Variants in OXCT1 observed in about 807,000 individuals in gnomAD.
The protein encoded by OXCT1 is succinyl-CoA:3-ketoacid coenzyme A transferase 1, mitochondrial.
In OXCT1, 27 loss-of-function variants were observed where a neutral mutation model predicts 69.6. The ratio of observed to expected loss-of-function variants is 0.39; its 90% CI spans 0.29 to 0.54. The LOEUF (loss-of-function observed/expected upper bound fraction) is 0.54, where lower values mean the gene tolerates loss of function less well. Ranked by LOEUF, OXCT1 falls within the 20% of genes least tolerant of loss-of-function variation. The pLI, the probability that OXCT1 is intolerant of heterozygous loss-of-function variation, is 0.72. For synonymous variants in OXCT1, 202 were observed against 217.8 expected (o/e 0.93, Z 0.64); for missense variants, 437 against 650.2 (o/e 0.67, Z 3.57).
intron 1 of OXCT1, among the ~76,000 whole-genome samples, chr5:41,867,329 T>C (rs1440384173): frequency 2.6e-5 from 4 of 152,128 alleles, no homozygotes; most frequent in Non-Finnish European, 4.4e-5. Flanking sequence ...ATATTGAAAA[T>C]AAAACCCAGA....
chr5:41,772,536 T>C (rs572608127), intron 13 of OXCT1, among the ~76,000 whole-genome samples: 5 of 152,182 alleles, frequency 3.3e-5, no homozygotes, highest in African/African-American at 1.2e-4. Context: ...ATAATAAATG[T>C]ACGTGCCCTA....
chr5:41,824,970 A>G (rs1747732222), intron 7 of OXCT1, among the ~76,000 whole-genome samples: 2 of 152,230 alleles, frequency 1.3e-5, no homozygotes, highest in Non-Finnish European at 2.9e-5. Context: ...TTTTCACAAT[A>G]CATGGCAAAA....
intron 14 of OXCT1, among the ~76,000 whole-genome samples, chr5:41,755,795 G>T (rs368462971): frequency 6.6e-6 from 1 of 152,002 alleles, no homozygotes; most frequent in South Asian, 2.1e-4. Flanking sequence ...AAGAAATAAA[G>T]AACAGCAGGA....
intron 4 of OXCT1, among the ~76,000 whole-genome samples, chr5:41,852,884 C>T (rs1749245041): frequency 6.6e-6 from 1 of 152,068 alleles, no homozygotes; most frequent in Admixed American, 6.6e-5. Context: ...ATGGTGAAAT[C>T]CCGTCTCTAC....
intron 13 of OXCT1, among the ~76,000 whole-genome samples, chr5:41,792,561 C>T (rs1163432963): frequency 6.6e-6 from 1 of 152,200 alleles, no homozygotes; most frequent in Non-Finnish European, 1.5e-5. Flanking sequence ...AACAGAAATA[C>T]ATTGTAATAT....
At chr5:41,836,815 G>C (rs1452292912) in intron 7 of OXCT1, among the ~76,000 whole-genome samples, 1 of 152,090 alleles carries the variant, frequency 6.6e-6, no homozygotes, top group East Asian at 1.9e-4. Context: ...ACAGACCATG[G>C]GCCAGTACAG....
intron 12 of OXCT1, 151 bp from the exon 13 acceptor site, chr5:41,794,229 G>A (rs1746069143): frequency 1.5e-6 from 1 of 680,150 alleles, no homozygotes; most frequent in South Asian, 1.7e-5. Context: ...GCTCCATGCT[G>A]ACAGAGAAAT....
intron 7 of OXCT1, among the ~76,000 whole-genome samples, chr5:41,811,895 G>A (rs1747002638): frequency 1.3e-5 from 2 of 152,160 alleles, no homozygotes; most frequent in African/African-American, 4.8e-5. Flanking sequence ...GAAGTGTGGT[G>A]AGGAATATTT....
At chr5:41,795,951 C>T (rs1746161242) in intron 11 of OXCT1, among the ~76,000 whole-genome samples, 2 of 152,080 alleles carry the variant, frequency 1.3e-5, no homozygotes, top group Admixed American at 6.6e-5. Flanking sequence ...TTTCATTTGG[C>T]CTGAACTCTC....
intron 13 of OXCT1, among the ~76,000 whole-genome samples, chr5:41,776,085 A>G (rs1036232155): frequency 1.3e-5 from 2 of 152,234 alleles, no homozygotes; most frequent in African/African-American, 2.4e-5. Flanking sequence ...TAGGTATCCT[A>G]TAACCCCTGA....
At chr5:41,768,622 C>T (rs1383652939) in intron 13 of OXCT1, among the ~76,000 whole-genome samples, 5 of 152,086 alleles carry the variant, frequency 3.3e-5, no homozygotes, top group Non-Finnish European at 7.4e-5. Flanking sequence ...TCCAATCAGT[C>T]GCTCAACTAC....
intron 4 of OXCT1, among the ~76,000 whole-genome samples, chr5:41,851,280 G>C (rs1198742008): frequency 2.0e-5 from 3 of 152,192 alleles, no homozygotes; most frequent in African/African-American, 7.2e-5. Context: ...AGTCATTCAA[G>C]TAGGTGGAAT....
At chr5:41,785,349 AT>A (rs1321166062) in intron 13 of OXCT1, among the ~76,000 whole-genome samples, 1 of 152,222 alleles carries the variant, frequency 6.6e-6, no homozygotes, top group African/African-American at 2.4e-5. Flanking sequence ...GCCTAGAGGT[AT>A]TAGAACCATA....
intron 13 of OXCT1, among the ~76,000 whole-genome samples, chr5:41,793,658 A>C (rs928784740): frequency 6.6e-6 from 1 of 152,248 alleles, no homozygotes; most frequent in Non-Finnish European, 1.5e-5. Flanking sequence ...CAAACTTGTT[A>C]ATTGTTCTTC....
chr5:41,754,280 A>C (rs1392278984), intron 14 of OXCT1, among the ~76,000 whole-genome samples: 1 of 152,096 alleles, frequency 6.6e-6, no homozygotes, highest in African/African-American at 2.4e-5. Context: ...CTGATTATCA[A>C]CACCCTTGCT....
chr5:41,819,755 G>A (rs776190782), intron 7 of OXCT1, among the ~76,000 whole-genome samples: 2 of 151,694 alleles, frequency 1.3e-5, no homozygotes, highest in African/African-American at 2.4e-5. Context: ...GTTTTAGAGA[G>A]CTATCTCAAA....
At chr5:41,798,416 G>C (rs538924440) in intron 11 of OXCT1, among the ~76,000 whole-genome samples, 3 of 152,148 alleles carry the variant, frequency 2.0e-5, no homozygotes, top group Non-Finnish European at 4.4e-5. Context: ...CCAGCGGATA[G>C]GGAAACTGTC....
chr5:41,764,910 T>A (rs1744523614), intron 13 of OXCT1, among the ~76,000 whole-genome samples: 1 of 152,166 alleles, frequency 6.6e-6, no homozygotes, highest in African/African-American at 2.4e-5. Context: ...TTAATAGCAT[T>A]TCTAGCAGGT....
At chr5:41,801,533 T>C (rs1357939023) in intron 10 of OXCT1, among the ~76,000 whole-genome samples, 2 of 152,054 alleles carry the variant, frequency 1.3e-5, no homozygotes, top group Non-Finnish European at 2.9e-5. Context: ...CTCTTAAAAA[T>C]ATAAAAATCA....
Sources: gnomAD v4.1 joint callset for allele counts (sites outside exome capture counted in the v4.1 genomes callset) on GRCh38, gnomAD v4.1.1 for gene constraint, MANE v1.5 for transcripts, NCBI Gene and HGNC (gene_info 2026-07-23, HGNC 2026-07-21) for gene names.